KIAA1217: variants seen among roughly 807,000 people sequenced by gnomAD.
The protein encoded by KIAA1217 is KIAA1217, also known as sickle tail protein homolog.
In KIAA1217, 88 loss-of-function variants were observed where a neutral mutation model predicts 163.9. The ratio of observed to expected loss-of-function variants is 0.54; its 90% CI spans 0.45 to 0.64. The LOEUF is 0.64. Ranked by LOEUF, KIAA1217 falls within the 30% of genes least tolerant of loss-of-function variation. The pLI is 0.00. For synonymous variants in KIAA1217, 903 were observed against 923.1 expected, an observed-to-expected ratio of 0.98 and a Z score of 0.39; for missense variants, 2,372 against 2,475.0, an observed-to-expected ratio of 0.96 and a Z score of 0.88.
intron 2 of KIAA1217, among the ~76,000 whole-genome samples, chr10:24,363,970 G>T (rs1351262430): frequency 6.8e-6 from 1 of 147,142 alleles, no homozygotes; most frequent in Non-Finnish European, 1.5e-5. Context: ...CTCAACTCTG[G>T]TCTCATCCAC....
intron 1 of KIAA1217, among the ~76,000 whole-genome samples, chr10:23,856,333 G>T (rs1010636781): frequency 6.6e-6 from 1 of 152,178 alleles, no homozygotes; most frequent in Non-Finnish European, 1.5e-5. Flanking sequence ...GCGGATTTTC[G>T]TGAACCGCGA....
chr10:23,934,623 A>ATT (rs1475453455), intron 1 of KIAA1217, among the ~76,000 whole-genome samples: 3 of 61,452 alleles, frequency 4.9e-5, no homozygotes, highest in South Asian at 3.8e-4. Flanking sequence ...ATATATATAT[A>ATT]TATTTTTTTT....
chr10:24,440,440 A>T (rs994230941), intron 5 of KIAA1217, among the ~76,000 whole-genome samples: 1 of 152,082 alleles, frequency 6.6e-6, no homozygotes, highest in Admixed American at 6.6e-5. Flanking sequence ...ACATAGAGCC[A>T]TTTCCACACC....
intron 1 of KIAA1217, among the ~76,000 whole-genome samples, chr10:23,982,061 T>C (rs1845788251): frequency 6.6e-6 from 1 of 151,662 alleles, no homozygotes; most frequent in South Asian, 2.1e-4. Flanking sequence ...TGGTGAGCCA[T>C]GTGCCTGGAA....
At chr10:23,852,674 A>G (rs1028628266) in intron 1 of KIAA1217, among the ~76,000 whole-genome samples, 5 of 152,012 alleles carry the variant, frequency 3.3e-5, no homozygotes, top group Non-Finnish European at 7.4e-5. Flanking sequence ...ATTTGTTTGT[A>G]TCCTCTTTTA....
chr10:23,820,646 T>C (rs1185725140), intron 1 of KIAA1217, among the ~76,000 whole-genome samples: 10 of 152,166 alleles, frequency 6.6e-5, no homozygotes, highest in Non-Finnish European at 5.9e-5. Flanking sequence ...GTGAATGTTA[T>C]TTGCAAAGAC....
chr10:24,530,346 T>A (rs2072934849), intron 14 of KIAA1217, among the ~76,000 whole-genome samples: 1 of 152,224 alleles, frequency 6.6e-6, no homozygotes, highest in South Asian at 2.1e-4. Flanking sequence ...TTTTTTCTTT[T>A]TTAATGCATC....
intron 2 of KIAA1217, among the ~76,000 whole-genome samples, chr10:24,144,744 A>G (rs572618433): frequency 1.3e-5 from 2 of 152,126 alleles, no homozygotes; most frequent in South Asian, 4.2e-4. Flanking sequence ...CTTTAGGACA[A>G]TTTCCTATGC....
chr10:23,937,012 A>C (rs1383769992), intron 1 of KIAA1217, among the ~76,000 whole-genome samples: 1 of 152,200 alleles, frequency 6.6e-6, no homozygotes, highest in East Asian at 1.9e-4. Context: ...ATGAGTAGCT[A>C]GGACCATAGG....
intron 1 of KIAA1217, among the ~76,000 whole-genome samples, chr10:23,774,286 C>A (rs1035175746): frequency 4.6e-5 from 7 of 152,108 alleles, no homozygotes; most frequent in Admixed American, 3.9e-4. Context: ...AAAGGACTGG[C>A]GAAAGAGGTG....
Position 24,128,279 on chromosome 10 carries a change from A to G in KIAA1217, c.-170-91347A>G, listed in dbSNP as rs371997751. On this transcript the variant is annotated intron_variant, in intron 2 of 18. Transcript: ENST00000376462. ...GGGATTTGCCAGAACATTAACCTCA[A>G]TTCGACCCCTCATGGTTGCAGGAGG... 7.9e-5 allele frequency among the ~76,000 whole-genome samples: 12 copies of G among 152,322 alleles called. No homozygotes were observed. The East Asian group carries it at 1.4e-3, about 17-fold the overall frequency.
chr10:23,822,297 G>T (rs1837657069), intron 1 of KIAA1217, among the ~76,000 whole-genome samples: 1 of 152,146 alleles, frequency 6.6e-6, no homozygotes, highest in East Asian at 1.9e-4. Context: ...AACTCAAGGG[G>T]CTGTGCTACC....
intron 2 of KIAA1217, among the ~76,000 whole-genome samples, chr10:24,223,236 G>A (rs2069913139): frequency 6.6e-6 from 1 of 152,090 alleles, no homozygotes. Context: ...ATTTAAGATG[G>A]AGTTGCTCTG....
At chr10:24,027,508 G>C (rs58565455) in intron 2 of KIAA1217, among the ~76,000 whole-genome samples, 48 of 152,174 alleles carry the variant, frequency 3.2e-4, no homozygotes, top group African/African-American at 9.6e-4. Flanking sequence ...CCAACAAACA[G>C]AAAATGCAAC....
intron 2 of KIAA1217, among the ~76,000 whole-genome samples, chr10:24,225,248 C>G (rs1469473157): frequency 1.3e-5 from 2 of 152,146 alleles, no homozygotes; most frequent in Non-Finnish European, 2.9e-5. Context: ...ACCTTAGCCT[C>G]CTGAGTAGCA....
chr10:24,195,979 T>A (rs2066967204), intron 2 of KIAA1217, among the ~76,000 whole-genome samples: 2 of 152,012 alleles, frequency 1.3e-5, no homozygotes, highest in Admixed American at 6.6e-5. Context: ...AATTTTTTTT[T>A]ACATAATTAT....
chr10:24,342,845 A>G (rs886237088), intron 2 of KIAA1217, among the ~76,000 whole-genome samples: 4 of 151,942 alleles, frequency 2.6e-5, no homozygotes, highest in African/African-American at 7.2e-5. Flanking sequence ...TTTAGTAGAG[A>G]CAGGGTTTCA....
intron 3 of KIAA1217, among the ~76,000 whole-genome samples, chr10:24,389,164 A>G (rs1034835256): frequency 1.3e-4 from 20 of 152,218 alleles, no homozygotes; most frequent in African/African-American, 4.1e-4. Context: ...ACGTCCATCA[A>G]TGATAGACTG....
intron 2 of KIAA1217, among the ~76,000 whole-genome samples, chr10:24,280,265 A>G (rs560179452): frequency 2.6e-5 from 4 of 152,190 alleles, no homozygotes; most frequent in Non-Finnish European, 5.9e-5. Flanking sequence ...CAGATTTGGC[A>G]AGGAATAGGG....
Sources: gnomAD v4.1 joint callset for allele counts (sites outside exome capture counted in the v4.1 genomes callset) on GRCh38, gnomAD v4.1.1 for gene constraint, MANE v1.5 for transcripts, NCBI Gene and HGNC (gene_info 2026-07-23, HGNC 2026-07-21) for gene names.